RPS6KA5: variants seen among roughly 807,000 people sequenced by gnomAD.
RPS6KA5 encodes the protein ribosomal protein S6 kinase alpha-5.
In RPS6KA5, 27 loss-of-function variants were observed where a neutral mutation model predicts 85.5. The observed-to-expected ratio is 0.32, with a 90% CI of 0.23 to 0.44. The LOEUF (loss-of-function observed/expected upper bound fraction) is 0.44, where lower values mean the gene tolerates loss of function less well. Ranked by LOEUF, RPS6KA5 falls within the 20% of genes least tolerant of loss-of-function variation. The pLI, the probability that RPS6KA5 is intolerant of heterozygous loss-of-function variation, is 1.00. For missense variants in RPS6KA5, 811 were observed against 980.9 expected, an observed-to-expected ratio of 0.83 and a Z score of 2.31; for synonymous variants, 334 against 348.2, an observed-to-expected ratio of 0.96 and a Z score of 0.46.
At chr14:91,026,147 G>A (rs1046817276) in intron 1 of RPS6KA5, among the ~76,000 whole-genome samples, 87 of 152,140 alleles carry the variant, frequency 5.7e-4, no homozygotes, top group African/African-American at 1.9e-3. Flanking sequence ...GCATCCAACT[G>A]CATCCATGTT....
chr14:90,903,986 GC>G lies in RPS6KA5; in HGVS notation c.958-1018del, dbSNP rs1469045864. On this transcript the variant is annotated intron_variant, in intron 8 of 16. Transcript: ENST00000614987. Reference sequence around the variant, plus strand: ...TTTTGAGACGGAGTCTCGCTCTGTCGCCCAGGCTGGAGGGCAGTGGCGCGAT... The same window carrying G: ...TTTTGAGACGGAGTCTCGCTCTGTCGCCAGGCTGGAGGGCAGTGGCGCGAT... Among the ~76,000 whole-genome samples the G allele has an allele frequency of 4.8e-5, 7 of 147,044 alleles. No individual in the cohort carries two copies. The Admixed American group carries it at 4.8e-4, about 10-fold the overall frequency.
At chr14:90,877,995 T>C (rs1207607130) in intron 14 of RPS6KA5, among the ~76,000 whole-genome samples, 1 of 152,216 alleles carries the variant, frequency 6.6e-6, no homozygotes, top group Non-Finnish European at 1.5e-5. Flanking sequence ...TTCCCCTCTA[T>C]GGAAAGAATC....
intron 3 of RPS6KA5, among the ~76,000 whole-genome samples, chr14:90,954,611 A>G (rs2038402805): frequency 6.6e-6 from 1 of 152,162 alleles, no homozygotes; most frequent in African/African-American, 2.4e-5. Context: ...AGGAGGTTTC[A>G]CCATGTTAGC....
chr14:90,884,535 G>T (rs776036147), intron 14 of RPS6KA5, among the ~76,000 whole-genome samples: 4 of 152,172 alleles, frequency 2.6e-5, no homozygotes, highest in African/African-American at 4.8e-5. Flanking sequence ...AGCTAAAATT[G>T]ACCAAAATTA....
intron 7 of RPS6KA5, among the ~76,000 whole-genome samples, chr14:90,919,861 A>G (rs1251325791): frequency 6.6e-6 from 1 of 152,218 alleles, no homozygotes; most frequent in Non-Finnish European, 1.5e-5. Flanking sequence ...CAAAGAAATA[A>G]ATTACATATA....
chr14:91,047,295 T>C (rs184786728), intron 1 of RPS6KA5, among the ~76,000 whole-genome samples: 2 of 152,168 alleles, frequency 1.3e-5, no homozygotes, highest in Non-Finnish European at 2.9e-5. Context: ...TGCCAAACCA[T>C]ACTTCTAAGT....
chr14:90,989,687 T>C (rs553358314), intron 2 of RPS6KA5, among the ~76,000 whole-genome samples: 18 of 152,234 alleles, frequency 1.2e-4, no homozygotes, highest in African/African-American at 3.9e-4. Flanking sequence ...AATAAAAATA[T>C]AATCATTATT....
chr14:90,910,543 C>T (rs2035748659), intron 7 of RPS6KA5, among the ~76,000 whole-genome samples: 3 of 151,370 alleles, frequency 2.0e-5, no homozygotes, highest in Admixed American at 6.6e-5. Context: ...AAAAGTAAAC[C>T]TATGAAGCTT....
rs11312699 is a variant in RPS6KA5 at position 90,885,741 on chromosome 14, CAAAAAAAAAAAAAAA to C, written c.1836+4731_1836+4745del. 7.7e-3 allele frequency among the ~76,000 whole-genome samples: 214 copies of C among 27,890 alleles called. 2 individuals are homozygous for C. The highest frequency in any genetic ancestry group is 0.015 in the Admixed American group (22 of 1,458). The allele number at this position is 27,890 out of a possible 152,430, so 18.3% of individuals were successfully genotyped here. On this transcript the variant is annotated intron_variant, in intron 14 of 16. Transcript: ENST00000614987. ...TGGGTGACAGAGCAAGACTCCATCTCAAAAAAAAAAAAAAAAAAAAAAAAAAAAAAAAGAAAAAAG... is the reference window on the plus strand; with the variant it reads ...TGGGTGACAGAGCAAGACTCCATCTCAAAAAAAAAAAAAAAAAGAAAAAAG...
At chr14:90,877,178 T>C (rs1461263059) in intron 14 of RPS6KA5, among the ~76,000 whole-genome samples, 3 of 152,266 alleles carry the variant, frequency 2.0e-5, no homozygotes, top group Middle Eastern at 3.4e-3. Context: ...AAATTGTGCC[T>C]GAGAAGAATA....
intron 12 of RPS6KA5, among the ~76,000 whole-genome samples, chr14:90,894,924 T>G (rs1675720922): frequency 6.6e-6 from 1 of 152,202 alleles, no homozygotes; most frequent in South Asian, 2.1e-4. Context: ...CAAGGGATTC[T>G]CTCATCTCAG....
intron 2 of RPS6KA5, among the ~76,000 whole-genome samples, chr14:90,983,965 C>T (rs2039949464): frequency 6.6e-6 from 1 of 152,094 alleles, no homozygotes; most frequent in Non-Finnish European, 1.5e-5. Flanking sequence ...CCATCCCAGC[C>T]TCCGGATTAG....
intron 1 of RPS6KA5, among the ~76,000 whole-genome samples, chr14:91,020,774 ATTGC>A (rs1363385455): frequency 3.3e-5 from 5 of 151,070 alleles, no homozygotes; most frequent in Non-Finnish European, 7.4e-5. Flanking sequence ...ATAATCAGAT[ATTGC>A]CTTTATTTTG....
At chr14:91,021,827 CTCTT>C (rs1318749876) in intron 1 of RPS6KA5, among the ~76,000 whole-genome samples, 3 of 152,092 alleles carry the variant, frequency 2.0e-5, no homozygotes, top group African/African-American at 4.8e-5. Flanking sequence ...TTTTCTTTCT[CTCTT>C]TCTATTTTTG....
intron 3 of RPS6KA5, 142 bp from the exon 4 acceptor site, chr14:90,947,692 A>G: frequency 1.9e-6 from 1 of 536,714 alleles, no homozygotes; most frequent in East Asian, 3.0e-5. Flanking sequence ...TATCATGTAG[A>G]TAGAGTTCTA....
intron 2 of RPS6KA5, among the ~76,000 whole-genome samples, chr14:90,998,696 T>C (rs1257753896): frequency 6.6e-6 from 1 of 152,160 alleles, no homozygotes; most frequent in East Asian, 1.9e-4. Flanking sequence ...AACAAATTAT[T>C]TGAAGGTGGA....
At chr14:90,918,183 A>C (rs1249279555) in intron 7 of RPS6KA5, among the ~76,000 whole-genome samples, 1 of 152,176 alleles carries the variant, frequency 6.6e-6, no homozygotes, top group African/African-American at 2.4e-5. Flanking sequence ...CTAAGTCTTT[A>C]TCAGCACTTG....
intron 5 of RPS6KA5, among the ~76,000 whole-genome samples, chr14:90,925,207 G>A (rs1251738264): frequency 6.6e-6 from 1 of 152,166 alleles, no homozygotes; most frequent in African/African-American, 2.4e-5. Flanking sequence ...GTGGAAAGGT[G>A]AGTTGTTACA....
At chr14:90,976,560 T>C (rs1208002077) in intron 3 of RPS6KA5, among the ~76,000 whole-genome samples, 1 of 152,208 alleles carries the variant, frequency 6.6e-6, no homozygotes, top group East Asian at 1.9e-4. Flanking sequence ...CTAAAAATGT[T>C]TGAAACCGCT....
Sources: allele counts gnomAD v4.1 joint callset (sites outside exome capture counted in the v4.1 genomes callset), GRCh38; gene constraint gnomAD v4.1.1; transcripts MANE v1.5; gene names NCBI Gene and HGNC (gene_info 2026-07-23, HGNC 2026-07-21).